Variants in PTBP3 observed in about 807,000 individuals in gnomAD.
The protein encoded by PTBP3 is polypyrimidine tract-binding protein 3.
Under a neutral mutation model 58.7 loss-of-function variants are expected in PTBP3, and 20 were observed. The ratio of observed to expected loss-of-function variants is 0.34; its 90% CI spans 0.24 to 0.50. The LOEUF is 0.50. Among genes scored for constraint, PTBP3 ranks in the 20% least tolerant of loss-of-function variants. The pLI, the probability that PTBP3 is intolerant of heterozygous loss-of-function variation, is 0.98. For synonymous variants in PTBP3, 185 were observed against 219.8 expected (o/e 0.84, Z 1.40); for missense variants, 509 against 637.2 (o/e 0.80, Z 2.17).
chr9:112,263,230 A>C (rs1026660163), intron 4 of PTBP3, among the ~76,000 whole-genome samples: 1 of 152,230 alleles, frequency 6.6e-6, no homozygotes, highest in Admixed American at 6.5e-5. Context: ...ACTGTTAAAA[A>C]CAGAAAATCC....
chr9:112,297,354 G>T (rs1172671765), intron 2 of PTBP3, among the ~76,000 whole-genome samples: 1 of 152,074 alleles, frequency 6.6e-6, no homozygotes, highest in Non-Finnish European at 1.5e-5. Context: ...ACAGGTTCCC[G>T]CCATCACACC....
At chr9:112,267,905 G>T in intron 4 of PTBP3, 144 bp downstream of exon 4, 3 of 670,996 alleles carry the variant, frequency 4.5e-6, no homozygotes, top group South Asian at 5.0e-5. Context: ...TAAGAATTGG[G>T]GGGAAGAATT....
the PTBP3 span, among the ~76,000 whole-genome samples, chr9:112,341,258 A>C: frequency 6.6e-6 from 1 of 152,156 alleles, no homozygotes; most frequent in African/African-American, 2.4e-5. Context: ...CAGCCTCCCG[A>C]GTAGCTGGGA....
the PTBP3 span, among the ~76,000 whole-genome samples, chr9:112,346,216 G>A: frequency 9.9e-5 from 15 of 151,952 alleles, no homozygotes; most frequent in Admixed American, 6.6e-4. Context: ...GGCCCAGGCC[G>A]GAGTGCAGTG....
intron 7 of PTBP3, among the ~76,000 whole-genome samples, chr9:112,245,813 T>C (rs7867823): frequency 0.57 from 86,100 of 151,726 alleles, 26,558 homozygotes; most frequent in African/African-American, 0.83. Flanking sequence ...AAATCAGGGG[T>C]AATTTGAACA....
At chr9:112,348,039 A>G in the PTBP3 span, among the ~76,000 whole-genome samples, 1 of 152,222 alleles carries the variant, frequency 6.6e-6, no homozygotes, top group African/African-American at 2.4e-5. Flanking sequence ...CAACCTCAGC[A>G]CCACTGACAT....
chr9:112,232,546 T>A (rs1835286207), intron 8 of PTBP3, among the ~76,000 whole-genome samples: 1 of 152,214 alleles, frequency 6.6e-6, no homozygotes, highest in African/African-American at 2.4e-5. Flanking sequence ...TCCCTCTGTT[T>A]CTTACAATAG....
the PTBP3 span, among the ~76,000 whole-genome samples, chr9:112,360,045 G>A: frequency 0.24 from 36,967 of 152,052 alleles, 4,918 homozygotes; most frequent in East Asian, 0.36. Flanking sequence ...ACATTAAAAT[G>A]CAATAATCAG....
intron 5 of PTBP3, among the ~76,000 whole-genome samples, chr9:112,256,288 TATATAC>T (rs1259486356): frequency 3.3e-4 from 47 of 141,586 alleles, no homozygotes; most frequent in Non-Finnish European, 4.7e-4. Context: ...TATATATATA[TATATAC>T]ATATATATAT....
intron 1 of PTBP3, among the ~76,000 whole-genome samples, chr9:112,312,499 TTAA>T (rs1196096844): frequency 1.4e-5 from 2 of 144,476 alleles, no homozygotes; most frequent in Non-Finnish European, 3.0e-5. Flanking sequence ...TTTTTTTTTT[TTAA>T]AAAAAAAAAA....
chr9:112,322,546 A>G (rs1829999169), intron 1 of PTBP3, among the ~76,000 whole-genome samples: 1 of 152,220 alleles, frequency 6.6e-6, no homozygotes, highest in African/African-American at 2.4e-5. Flanking sequence ...GCCAAAAACA[A>G]GGACACTGAA....
chr9:112,268,592 G>GT (rs1296320727), intron 3 of PTBP3, among the ~76,000 whole-genome samples: 1 of 151,292 alleles, frequency 6.6e-6, no homozygotes, highest in Non-Finnish European at 1.5e-5. Flanking sequence ...GCTACTTGGG[G>GT]TGGGGGGGTG....
the PTBP3 span, among the ~76,000 whole-genome samples, chr9:112,374,210 A>G: frequency 6.6e-6 from 1 of 152,164 alleles, no homozygotes; most frequent in Non-Finnish European, 1.5e-5. Context: ...TTCTTAGCCC[A>G]TTGACTTAAA....
chr9:112,256,705 T>G (rs1836381259), intron 5 of PTBP3, among the ~76,000 whole-genome samples: 1 of 151,942 alleles, frequency 6.6e-6, no homozygotes, highest in African/African-American at 2.4e-5. Flanking sequence ...TAAATTTTTT[T>G]AGAGATGGGG....
chr9:112,228,176 G>A (rs900337522), intron 11 of PTBP3, among the ~76,000 whole-genome samples: 3 of 152,104 alleles, frequency 2.0e-5, no homozygotes, highest in Non-Finnish European at 2.9e-5. Flanking sequence ...ATATGTTCAC[G>A]TAGACAAATG....
At chr9:112,250,777 T>C (rs1482387395) in intron 7 of PTBP3, 152 bp downstream of exon 7, 5 of 602,372 alleles carry the variant, frequency 8.3e-6, no homozygotes, top group Non-Finnish European at 1.0e-5. Flanking sequence ...TAATATTTAA[T>C]TAATGGGTAT....
chr9:112,371,577 T>C, the PTBP3 span, among the ~76,000 whole-genome samples: 1 of 152,086 alleles, frequency 6.6e-6, no homozygotes, highest in Non-Finnish European at 1.5e-5. Context: ...CTTTGGTGTA[T>C]TTCTCAATTC....
At chr9:112,263,368 T>C (rs2132134716) in intron 4 of PTBP3, among the ~76,000 whole-genome samples, 1 of 152,244 alleles carries the variant, frequency 6.6e-6, no homozygotes, top group Non-Finnish European at 1.5e-5. Context: ...AACAACTTTA[T>C]AGTGGAGAAG....
At chr9:112,230,495 A>T (rs750847038) in intron 10 of PTBP3, among the ~76,000 whole-genome samples, 6 of 152,214 alleles carry the variant, frequency 3.9e-5, no homozygotes, top group Non-Finnish European at 8.8e-5. Flanking sequence ...TAGATAAAAC[A>T]TGACAAAAAT....
Sources: gnomAD v4.1 joint callset for allele counts (sites outside exome capture counted in the v4.1 genomes callset) on GRCh38, gnomAD v4.1.1 for gene constraint, MANE v1.5 for transcripts, NCBI Gene and HGNC (gene_info 2026-07-23, HGNC 2026-07-21) for gene names.